NKAIN3: variants seen among roughly 807,000 people sequenced by gnomAD.
NKAIN3 encodes the protein sodium/potassium-transporting ATPase subunit beta-1-interacting protein 3.
In NKAIN3, 25 loss-of-function variants were observed where a neutral mutation model predicts 30.2. The observed-to-expected ratio is 0.83, with a 90% CI of 0.60 to 1.16. NKAIN3 has a LOEUF of 1.16. NKAIN3 is among the 50% of genes most tolerant of loss of function. The probability of loss-of-function intolerance (pLI) is 0.00; values close to 1 mark genes in which losing one functional copy is unlikely to be tolerated. For missense variants in NKAIN3, 225 were observed against 254.1 expected (o/e 0.89, Z 0.78); for synonymous variants, 91 against 89.6 (o/e 1.02, Z -0.09).
At chr8:62,827,105 G>A (rs1037303413) in intron 4 of NKAIN3, among the ~76,000 whole-genome samples, 1 of 152,122 alleles carries the variant, frequency 6.6e-6, no homozygotes, top group African/African-American at 2.4e-5. Flanking sequence ...AAACCAAAAG[G>A]CTGGTATCAA....
chr8:62,954,958 TA>T (rs1328917703), intron 6 of NKAIN3, among the ~76,000 whole-genome samples: 1 of 152,204 alleles, frequency 6.6e-6, no homozygotes, highest in African/African-American at 2.4e-5. Flanking sequence ...CAGTGTTCTG[TA>T]ATTTGATGGC....
At chr8:62,575,704 A>G (rs1252705530) in intron 1 of NKAIN3, among the ~76,000 whole-genome samples, 1 of 152,158 alleles carries the variant, frequency 6.6e-6, no homozygotes, top group Non-Finnish European at 1.5e-5. Flanking sequence ...ACATTACCTG[A>G]CTTCAAATTG....
At chr8:62,479,545 T>C (rs2129600667) in intron 1 of NKAIN3, among the ~76,000 whole-genome samples, 1 of 152,290 alleles carries the variant, frequency 6.6e-6, no homozygotes, top group African/African-American at 2.4e-5. Flanking sequence ...TCTTGCCAGA[T>C]CTGGATTCAT....
chr8:62,755,563 G>A (rs979511695), intron 4 of NKAIN3, among the ~76,000 whole-genome samples: 3 of 151,500 alleles, frequency 2.0e-5, no homozygotes, highest in East Asian at 1.9e-4. Flanking sequence ...GCTTGCTAGC[G>A]CTTTCCAGGG....
intron 3 of NKAIN3, among the ~76,000 whole-genome samples, chr8:62,728,447 G>A (rs1210014871): frequency 2.0e-5 from 3 of 152,106 alleles, no homozygotes; most frequent in African/African-American, 7.2e-5. Flanking sequence ...CGGATCACCT[G>A]AGGTCGGGAG....
chr8:62,986,445 C>T (rs533899862), downstream of NKAIN3, among the ~76,000 whole-genome samples: 1 of 152,288 alleles, frequency 6.6e-6, no homozygotes, highest in African/African-American at 2.4e-5. Context: ...TGTAAGTTCC[C>T]TCAATAAACT....
chr8:62,287,528 A>G (rs761748779), intron 1 of NKAIN3, among the ~76,000 whole-genome samples: 6 of 152,062 alleles, frequency 3.9e-5, no homozygotes, highest in Admixed American at 3.9e-4. Flanking sequence ...TCTATTTCTC[A>G]GCTTTTTGGG....
At chr8:62,934,219 T>TA (rs35631193) in intron 5 of NKAIN3, among the ~76,000 whole-genome samples, 45 of 150,978 alleles carry the variant, frequency 3.0e-4, no homozygotes, top group African/African-American at 1.1e-3. Context: ...ACCTTCTCTC[T>TA]AAAAAAAAGG....
intron 3 of NKAIN3, among the ~76,000 whole-genome samples, chr8:62,638,818 G>A (rs757895155): frequency 2.4e-4 from 36 of 152,186 alleles, no homozygotes; most frequent in East Asian, 1.9e-4. Flanking sequence ...TAAGTGCAGC[G>A]GTAGATAGGT....
At chr8:62,290,209 C>T (rs578209494) in intron 1 of NKAIN3, among the ~76,000 whole-genome samples, 1 of 152,318 alleles carries the variant, frequency 6.6e-6, no homozygotes, top group South Asian at 2.1e-4. Flanking sequence ...TTGACTTCCT[C>T]TTTTCCTAAT....
intron 1 of NKAIN3, among the ~76,000 whole-genome samples, chr8:62,368,898 A>C (rs537949403): frequency 6.6e-6 from 1 of 151,548 alleles, no homozygotes; most frequent in Non-Finnish European, 1.5e-5. Flanking sequence ...TGCCTATTCT[A>C]GGAAGAATAT....
intron 1 of NKAIN3, among the ~76,000 whole-genome samples, chr8:62,311,295 A>T (rs1814421366): frequency 6.7e-6 from 1 of 150,268 alleles, no homozygotes; most frequent in African/African-American, 2.5e-5. Flanking sequence ...CTGTGGAGAG[A>T]GGGAAGGAAA....
chr8:62,928,129 A>G (rs1466786929), intron 5 of NKAIN3, among the ~76,000 whole-genome samples: 1 of 152,204 alleles, frequency 6.6e-6, no homozygotes, highest in African/African-American at 2.4e-5. Context: ...TAAATGAGAT[A>G]TTAGGGAGTA....
In NKAIN3 at chr8:62,971,526, G is replaced by A. The variant is rs768712109; in HGVS notation, c.*6119G>A. On this transcript the variant is annotated 3_prime_UTR_variant, in exon 7 of 7. Coordinates refer to ENST00000623646, the MANE Select transcript of NKAIN3 (RefSeq NM_001304533.3). ...TGTGTGCCTATAGTCCCAGCTACTTGGGAGGTTGAAGTAGGAGGGTTGTTT... is the reference window on the plus strand; with the variant it reads ...TGTGTGCCTATAGTCCCAGCTACTTAGGAGGTTGAAGTAGGAGGGTTGTTT... 1.3e-5 allele frequency among the ~76,000 whole-genome samples: 2 copies of A among 151,938 alleles called. No individual in the cohort carries two copies. The highest frequency in any genetic ancestry group is 2.9e-5 in the Non-Finnish European group (2 of 67,998).
intron 3 of NKAIN3, among the ~76,000 whole-genome samples, chr8:62,721,245 A>G (rs1815081170): frequency 6.6e-6 from 1 of 152,230 alleles, no homozygotes; most frequent in South Asian, 2.1e-4. Flanking sequence ...GACTGCCTCA[A>G]TTCTAAAATA....
intron 4 of NKAIN3, among the ~76,000 whole-genome samples, chr8:62,906,156 G>C (rs1271613378): frequency 6.6e-6 from 1 of 152,166 alleles, no homozygotes; most frequent in African/African-American, 2.4e-5. Context: ...AACTTGTGTT[G>C]CCCTCTGCAC....
chr8:62,815,969 TC>T (rs1241077244), intron 4 of NKAIN3, among the ~76,000 whole-genome samples: 7 of 152,214 alleles, frequency 4.6e-5, no homozygotes, highest in Admixed American at 3.9e-4. Flanking sequence ...CTATCTGTAC[TC>T]CCTTGTTTCT....
chr8:62,517,130 A>T (rs746089916), intron 1 of NKAIN3, among the ~76,000 whole-genome samples: 1 of 152,008 alleles, frequency 6.6e-6, no homozygotes, highest in Non-Finnish European at 1.5e-5. Context: ...ATAAATTATA[A>T]TTTTTTTTCT....
At chr8:62,269,547 A>G (rs546972961) in intron 1 of NKAIN3, among the ~76,000 whole-genome samples, 1 of 152,264 alleles carries the variant, frequency 6.6e-6, no homozygotes, top group African/African-American at 2.4e-5. Context: ...AGTCTATTCT[A>G]GCTAATACAG....
Sources: gnomAD v4.1 joint callset for allele counts (sites outside exome capture counted in the v4.1 genomes callset) on GRCh38, gnomAD v4.1.1 for gene constraint, MANE v1.5 for transcripts, NCBI Gene and HGNC (gene_info 2026-07-23, HGNC 2026-07-21) for gene names.